LINGO1: variants seen among roughly 807,000 people sequenced by gnomAD.
LINGO1 encodes the protein leucine-rich repeat and immunoglobulin-like domain-containing nogo receptor-interacting protein 1.
LINGO1 carries 11 observed loss-of-function variants against 37.3 expected under a neutral mutation model. That is an observed-to-expected ratio of 0.29 (90% CI 0.19 to 0.49). LINGO1 has a LOEUF of 0.49. LINGO1 is among the 20% of genes least tolerant of loss of function. LINGO1 has a pLI of 0.99. For synonymous variants in LINGO1, 387 were observed against 403.0 expected, an observed-to-expected ratio of 0.96 and a Z score of 0.48; for missense variants, 585 against 878.2, an observed-to-expected ratio of 0.67 and a Z score of 4.22.
At chr15:77,761,689 G>A (rs937461883) in intron 1 of LINGO1, among the ~76,000 whole-genome samples, 1 of 152,208 alleles carries the variant, frequency 6.6e-6, no homozygotes, top group African/African-American at 2.4e-5. Flanking sequence ...CAGAAGAAAA[G>A]GCCCCAAGGG....
chr15:77,766,259 C>T (rs1479082226), intron 1 of LINGO1, among the ~76,000 whole-genome samples: 1 of 135,430 alleles, frequency 7.4e-6, no homozygotes, highest in Non-Finnish European at 1.5e-5. Flanking sequence ...GACTGCACCA[C>T]TGCACTCTAG....
chr15:77,801,007 T>G (rs1000229184), intron 1 of LINGO1, among the ~76,000 whole-genome samples: 1 of 152,134 alleles, frequency 6.6e-6, no homozygotes, highest in Non-Finnish European at 1.5e-5. Context: ...ATTTAAATGA[T>G]TGATAACAAG....
At chr15:77,820,574 C>A (rs2077088841), upstream of LINGO1, among the ~76,000 whole-genome samples, 1 of 152,206 alleles carries the variant, frequency 6.6e-6, no homozygotes, top group South Asian at 2.1e-4. Context: ...ACCTGTCATG[C>A]TGGGAGGACA....
upstream of LINGO1, among the ~76,000 whole-genome samples, chr15:77,790,485 C>T (rs2076810039): frequency 6.6e-6 from 1 of 152,116 alleles, no homozygotes. Context: ...GTGGTGTGGC[C>T]CCAGCCAGGG....
At chr15:77,785,364 C>T (rs1040857095) in intron 1 of LINGO1, among the ~76,000 whole-genome samples, 5 of 152,188 alleles carry the variant, frequency 3.3e-5, no homozygotes, top group African/African-American at 9.7e-5. Flanking sequence ...CAGCAGCCAC[C>T]AGCCTCTTCC....
intron 3 of LINGO1, among the ~76,000 whole-genome samples, chr15:77,642,730 G>A (rs191499711): frequency 5.9e-5 from 9 of 152,276 alleles, no homozygotes; most frequent in African/African-American, 1.7e-4. Context: ...GTTCATCTCC[G>A]GGTCCGGAAA....
intron 3 of LINGO1, among the ~76,000 whole-genome samples, chr15:77,674,443 G>C (rs1222268817): frequency 1.3e-5 from 2 of 152,158 alleles, no homozygotes; most frequent in Non-Finnish European, 2.9e-5. Context: ...TTCATTTTGG[G>C]TAACAGTCAA....
At chr15:77,669,833 C>T (rs1175099735) in intron 3 of LINGO1, among the ~76,000 whole-genome samples, 8 of 152,240 alleles carry the variant, frequency 5.3e-5, no homozygotes, top group African/African-American at 1.7e-4. Flanking sequence ...AACCACATCG[C>T]CTTACGGCCC....
At chr15:77,627,558 C>T (rs1024402728) in intron 1 of LINGO1, among the ~76,000 whole-genome samples, 1 of 152,334 alleles carries the variant, frequency 6.6e-6, no homozygotes, top group Non-Finnish European at 1.5e-5. Context: ...GGTTCATTCC[C>T]TGGGTCACCA....
At chr15:77,735,913 G>C (rs1321082063) in intron 1 of LINGO1, among the ~76,000 whole-genome samples, 1 of 152,222 alleles carries the variant, frequency 6.6e-6, no homozygotes, top group Non-Finnish European at 1.5e-5. Context: ...GTGGAAATGT[G>C]GTTTCTGAAC....
chr15:77,630,294 C>T (rs1000712686), intron 1 of LINGO1, among the ~76,000 whole-genome samples: 7 of 152,174 alleles, frequency 4.6e-5, no homozygotes, highest in African/African-American at 1.7e-4. Context: ...GGAACACGCC[C>T]CAACCCCAAT....
chr15:77,781,650 C>A (rs922869953), intron 1 of LINGO1, among the ~76,000 whole-genome samples: 2 of 152,208 alleles, frequency 1.3e-5, no homozygotes, highest in African/African-American at 4.8e-5. Context: ...ACTCCGTACA[C>A]CACCAGGCGT....
At chr15:77,624,511 G>C (rs1485520091) in intron 1 of LINGO1, among the ~76,000 whole-genome samples, 1 of 152,182 alleles carries the variant, frequency 6.6e-6, no homozygotes, top group Non-Finnish European at 1.5e-5. Context: ...CCAGCCTTCC[G>C]GCCAGCTCGC....
chr15:77,747,704 C>T (rs1209588996), intron 1 of LINGO1, among the ~76,000 whole-genome samples: 1 of 152,264 alleles, frequency 6.6e-6, no homozygotes, highest in Non-Finnish European at 1.5e-5. Context: ...AATGCAGAGC[C>T]AGGCGGGCCC....
At chr15:77,813,787 T>C (rs1340861734) in intron 1 of LINGO1, among the ~76,000 whole-genome samples, 1 of 152,182 alleles carries the variant, frequency 6.6e-6, no homozygotes, top group Admixed American at 6.5e-5. Context: ...GGGAGATCAT[T>C]TTGTCCCGTG....
At chr15:77,718,874 C>T (rs549125650) in intron 2 of LINGO1, among the ~76,000 whole-genome samples, 3 of 150,928 alleles carry the variant, frequency 2.0e-5, no homozygotes, top group African/African-American at 7.2e-5. Flanking sequence ...CAGCATCTTC[C>T]TCAACCAGGT....
chr15:77,668,005 A>G (rs932355498), intron 3 of LINGO1: 1 of 152,320 alleles, frequency 6.6e-6, no homozygotes, highest in Non-Finnish European at 1.5e-5. Flanking sequence ...GCCCTGGTTC[A>G]CCAAGTGACT....
chr15:77,780,487 C>T (rs2076705078), intron 1 of LINGO1, among the ~76,000 whole-genome samples: 1 of 151,988 alleles, frequency 6.6e-6, no homozygotes, highest in Admixed American at 6.6e-5. Context: ...GTCTAGTATG[C>T]CCAGGCCTGT....
chr15:77,659,020 TA>T (rs2074928991), intron 3 of LINGO1, among the ~76,000 whole-genome samples: 2 of 152,136 alleles, frequency 1.3e-5, no homozygotes, highest in Non-Finnish European at 2.9e-5. Flanking sequence ...TAGAGAATTT[TA>T]AAAATTCATT....
Sources: allele counts gnomAD v4.1 joint callset (sites outside exome capture counted in the v4.1 genomes callset), GRCh38; gene constraint gnomAD v4.1.1; transcripts MANE v1.5; gene names NCBI Gene and HGNC (gene_info 2026-07-23, HGNC 2026-07-21).